The following PCNT variants were observed in gnomAD, a reference collection of about 807,000 sequenced individuals.
PCNT encodes pericentrin, also known as kendrin.
Under a neutral mutation model 380.4 loss-of-function variants are expected in PCNT, and 319 were observed. That is an observed-to-expected ratio of 0.84 (90% CI 0.77 to 0.92). PCNT has a LOEUF of 0.92. Ranked by LOEUF, PCNT falls within the 40% of genes least tolerant of loss-of-function variation. The pLI is 0.00. For missense variants in PCNT, 4,400 were observed against 4,255.3 expected, an observed-to-expected ratio of 1.03 and a Z score of -0.95; for synonymous variants, 1,845 against 1,735.2, an observed-to-expected ratio of 1.06 and a Z score of -1.57.
chr21:46,427,773 T>C lies in PCNT; in HGVS notation c.7472T>C (p.Leu2491Pro). Reference protein sequence around the residue: ...LGGHSSLLERLEKIIREQGDL... With the variant: ...LGGHSSLLERPEKIIREQGDL... ...GGTCACAGCTCCCTGCTCGAAAGGC[T>C]GGAGAAGATCATCCGTGAGCAGGTG... The change falls in exon 34 of 47, where the codon CTG becomes CCG. Residue 2491 changes from leucine to proline, a missense_variant. Coordinates refer to ENST00000359568, the MANE Select transcript of PCNT (RefSeq NM_006031.6). The C allele has an allele frequency of 6.2e-7, 1 of 1,613,596 alleles. No individual in the cohort carries two copies. The highest frequency in any genetic ancestry group is 1.1e-5 in the South Asian group (1 of 91,076).
At chr21:46,343,185 G>T (rs1206709005) in intron 3 of PCNT, among the ~76,000 whole-genome samples, 1 of 152,074 alleles carries the variant, frequency 6.6e-6, no homozygotes, top group Admixed American at 6.6e-5. Context: ...CTCTGGCTAG[G>T]ACTCCAGAGC....
intron 14 of PCNT, among the ~76,000 whole-genome samples, chr21:46,365,316 CAT>C (rs1380200304): frequency 0.2 from 27,457 of 140,034 alleles, 6,062 homozygotes; most frequent in Admixed American, 0.28. Flanking sequence ...TATTCACTGC[CAT>C]GGGGTTCTAT....
chr21:46,396,365 C>T (rs968356105), intron 21 of PCNT, among the ~76,000 whole-genome samples: 4 of 152,210 alleles, frequency 2.6e-5, no homozygotes, highest in African/African-American at 9.7e-5. Flanking sequence ...AAGGCAGAGC[C>T]TTGCACACTG....
chr21:46,331,095 A>G (rs1211951970), intron 2 of PCNT, among the ~76,000 whole-genome samples: 2 of 152,132 alleles, frequency 1.3e-5, no homozygotes, highest in Admixed American at 6.6e-5. Context: ...GCTTTCCAAC[A>G]TATAATAAAT....
intron 21 of PCNT, among the ~76,000 whole-genome samples, chr21:46,395,925 A>C (rs2086193886): frequency 6.6e-6 from 1 of 151,834 alleles, no homozygotes; most frequent in African/African-American, 2.4e-5. Flanking sequence ...CCATCTCAGA[A>C]ATAATAGTAA....
At chr21:46,444,097 A>T (rs2053686629) in intron 45 of PCNT, 149 bp downstream of exon 45, 1 of 853,756 alleles carries the variant, frequency 1.2e-6, no homozygotes, top group African/African-American at 1.7e-5. Flanking sequence ...GAGGGCCAAG[A>T]AGTCCCGCCC....
In PCNT at chr21:46,418,529, C is replaced by T. The variant is rs58572600; in HGVS notation, c.7024+223C>T. Among the ~76,000 whole-genome samples the T allele has an allele frequency of 0.13, 19,686 of 152,230 alleles. 3,571 individuals are homozygous for T. The highest frequency in any genetic ancestry group is 0.41 in the African/African-American group (16,932 of 41,496). Reference sequence around the variant, plus strand: ...GGTTGCTGGCCCGGGCCACGCTCCACCCTGGAATGTTCACCCTGATCCAAG... The same window carrying T: ...GGTTGCTGGCCCGGGCCACGCTCCATCCTGGAATGTTCACCCTGATCCAAG... On this transcript the variant is annotated intron_variant, in intron 31 of 46. Transcript: ENST00000359568.
At chr21:46,337,644 G>C (rs546688695) in intron 3 of PCNT, among the ~76,000 whole-genome samples, 1 of 152,098 alleles carries the variant, frequency 6.6e-6, no homozygotes, top group Non-Finnish European at 1.5e-5. Context: ...GTGCAGTGGC[G>C]CGATCTCGGC....
chr21:46,329,583 A>G (rs1464636083), intron 2 of PCNT, among the ~76,000 whole-genome samples: 1 of 152,158 alleles, frequency 6.6e-6, no homozygotes, highest in Non-Finnish European at 1.5e-5. Context: ...TGACTTAGAG[A>G]TGCACACGCA....
intron 13 of PCNT, 92 bp from the exon 14 acceptor site, chr21:46,363,388 T>C (rs1318877889): frequency 2.2e-6 from 2 of 919,736 alleles, no homozygotes; most frequent in Admixed American, 3.4e-5. Flanking sequence ...GTGGTGAAAA[T>C]TCCCTGTCTT....
chr21:46,445,422 C>T lies in PCNT; in HGVS notation c.*95C>T. 1 of 954,808 alleles carries T rather than the reference C, an allele frequency of 1.0e-6. No individual in the cohort carries two copies. The highest frequency in any genetic ancestry group is 1.7e-6 in the Non-Finnish European group (1 of 577,516). The allele number at this position is 954,808 out of a possible 1,614,324, so 59.1% of individuals were successfully genotyped here. On this transcript the variant is annotated 3_prime_UTR_variant, in exon 47 of 47. Transcript: ENST00000359568. ...GGAAGCTCGTGGGACAGCATGGGCA[C>T]TACTCTTCATGTGCGGTGACACCAG...
In PCNT at chr21:46,430,665, G is replaced by A; in HGVS notation, c.8064+8G>A. Reference sequence around the variant, plus strand: ...AGTGCCAAGGCCCTGGAGGTAACAGGGTGTCAGGGCAAGGCAGCCGGCATG... The same window carrying A: ...AGTGCCAAGGCCCTGGAGGTAACAGAGTGTCAGGGCAAGGCAGCCGGCATG... On this transcript the variant is annotated splice_region_variant and intron_variant, in intron 37 of 46. Transcript: ENST00000359568. 1 of 1,566,912 alleles carries A rather than the reference G, an allele frequency of 6.4e-7. No homozygotes were observed. The highest frequency in any genetic ancestry group is 8.6e-7 in the Non-Finnish European group (1 of 1,156,694).
Position 46,427,556 on chromosome 21 carries a change from G to A in PCNT, c.7321-66G>A, listed in dbSNP as rs146272442. On this transcript the variant is annotated intron_variant, in intron 33 of 46. Transcript: ENST00000359568. ...CCATCTCCAAACGCAGTCACACTGC[G>A]AACTTTAGGGCACAAGGATGCAGGT... 2.0e-3 allele frequency: 3,125 copies of A among 1,598,948 alleles called. 24 individuals are homozygous for A. Among genetic ancestry groups the A allele is most frequent in the African/African-American group, 0.015 (1,135 of 74,732 alleles).
chr21:46,437,911 T>G lies in PCNT; in HGVS notation c.9100-253T>G, dbSNP rs1247785945. Reference sequence around the variant, plus strand: ...ATGAACTAACAACGGTCCAGCCACCTGTTAATTTCAGTGCTGTTAGAACAA... The same window carrying G: ...ATGAACTAACAACGGTCCAGCCACCGGTTAATTTCAGTGCTGTTAGAACAA... On this transcript the variant is annotated intron_variant, in intron 40 of 46. Transcript: ENST00000359568. Among the ~76,000 whole-genome samples the G allele has an allele frequency of 2.6e-5, 4 of 152,344 alleles. No individual in the cohort carries two copies. In the East Asian group the frequency reaches 7.7e-4, roughly 29 times the overall value.
chr21:46,362,183 C>G (rs2084744831), intron 13 of PCNT, among the ~76,000 whole-genome samples: 1 of 151,954 alleles, frequency 6.6e-6, no homozygotes, highest in Non-Finnish European at 1.5e-5. Context: ...GAGTCTGCCC[C>G]TCGTATGTAC....
In PCNT at chr21:46,363,636, C is replaced by T; in HGVS notation, c.2311C>T (p.Leu771=). 6.2e-7 allele frequency: 1 copy of T among 1,614,212 alleles called. No homozygotes were observed. Among genetic ancestry groups the T allele is most frequent in the Non-Finnish European group, 8.5e-7 (1 of 1,180,036 alleles). The change falls in exon 14 of 47, where the codon CTA becomes TTA. Residue 771 remains leucine, a synonymous_variant. Transcript: ENST00000359568. ...REAEEKLTLM[L]LELREKAESE... ...AGCTGAGGAGAAGTTAACATTGATG[C>T]TACTTGAACTGAGAGAAAAGGCTGA...
At position 46,436,975 on chromosome 21, in the gene PCNT, A is replaced by G. The variant is rs2053476294; in HGVS notation, c.8997-4A>G. 6.2e-7 allele frequency: 1 copy of G among 1,609,404 alleles called. No homozygotes were observed. Among genetic ancestry groups the G allele is most frequent in the Non-Finnish European group, 8.5e-7 (1 of 1,175,708 alleles). ...CAACTTTGAGTGCCCATTTATTTTT[A>G]CAGGACAGTTAATGATTGGACGTCA... is the stretch of plus-strand genomic sequence containing the variant. On this transcript the variant is annotated splice_polypyrimidine_tract_variant and splice_region_variant and intron_variant, in intron 39 of 46. Coordinates refer to ENST00000359568, the MANE Select transcript of PCNT (RefSeq NM_006031.6).
chr21:46,365,201 C>T (rs1335171080), intron 14 of PCNT, among the ~76,000 whole-genome samples: 1 of 151,994 alleles, frequency 6.6e-6, no homozygotes, highest in Admixed American at 6.5e-5. Context: ...CCGTGGGGTT[C>T]TATTCACTGC....
At chr21:46,391,415 G>C (rs1374217125) in intron 21 of PCNT, 39 bp downstream of exon 21, 1 of 1,496,672 alleles carries the variant, frequency 6.7e-7, no homozygotes. Flanking sequence ...GCGAGCTGTG[G>C]GGCGCGGATA....
Sources: allele counts gnomAD v4.1 joint callset (sites outside exome capture counted in the v4.1 genomes callset), GRCh38; gene constraint gnomAD v4.1.1; transcripts MANE v1.5; gene names NCBI Gene and HGNC (gene_info 2026-07-23, HGNC 2026-07-21).